The following PTGDR variants were observed in gnomAD, a reference collection of about 807,000 sequenced individuals.
PTGDR encodes PGD2 receptor.
Under a neutral mutation model 17.4 loss-of-function variants are expected in PTGDR, and 19 were observed. The ratio of observed to expected loss-of-function variants is 1.09; its 90% confidence interval spans 0.76 to 1.60. The LOEUF (loss-of-function observed/expected upper bound fraction) is 1.60. PTGDR is among the 40% of genes most tolerant of loss of function. The probability of loss-of-function intolerance (pLI) is 0.00; values close to 1 mark genes in which losing one functional copy is unlikely to be tolerated. For missense variants in PTGDR, 526 were observed against 481.9 expected (o/e 1.09, Z -0.86); for synonymous variants, 267 against 224.2 (o/e 1.19, Z -1.71).
At chr14:52,280,395 A>C (rs1015570898), downstream of PTGDR, among the ~76,000 whole-genome samples, 1 of 152,196 alleles carries the variant, frequency 6.6e-6, no homozygotes, top group African/African-American at 2.4e-5. Context: ...CCCCAAACTC[A>C]CTAAACCAAA....
intron 1 of PTGDR, 54 bp downstream of exon 1, chr14:52,268,714 G>A (rs2033267666): frequency 2.0e-6 from 3 of 1,506,232 alleles, no homozygotes; most frequent in Non-Finnish European, 2.7e-6. Context: ...GGCCGCGGAT[G>A]CGGGGCGGGA....
downstream of PTGDR, among the ~76,000 whole-genome samples, chr14:52,280,226 G>A (rs968485979): frequency 1.3e-5 from 2 of 152,078 alleles, no homozygotes; most frequent in Non-Finnish European, 2.9e-5. Context: ...ATAGAATATG[G>A]AAACAATAAC....
downstream of PTGDR, among the ~76,000 whole-genome samples, chr14:52,279,674 C>T (rs947496217): frequency 1.3e-5 from 2 of 152,050 alleles, no homozygotes; most frequent in Non-Finnish European, 2.9e-5. Context: ...GTGAGGTGAA[C>T]ATTCTAGTCT....
intron 1 of PTGDR, among the ~76,000 whole-genome samples, chr14:52,270,069 A>G (rs1370204809): frequency 6.6e-6 from 1 of 152,228 alleles, no homozygotes; most frequent in Non-Finnish European, 1.5e-5. Context: ...CTCACAGGCC[A>G]AATCTTTCCT....
chr14:52,271,126 A>G (rs41312468), intron 1 of PTGDR, among the ~76,000 whole-genome samples: 1 of 152,324 alleles, frequency 6.6e-6, no homozygotes, highest in African/African-American at 2.4e-5. Context: ...TAAAATGATT[A>G]TAACCATACT....
chr14:52,268,152 C>T lies in PTGDR; in HGVS notation c.338C>T (p.Ser113Phe), dbSNP rs1216947829. The change falls in exon 1 of 2, where the codon TCC becomes TTC. Residue 113 changes from serine to phenylalanine, a missense_variant. Transcript: ENST00000306051. Reference sequence around the variant, plus strand: ...TGCCAAGCCTTCGCCTTCTTCATGTCCTTCTTTGGGCTCTCCTCGACACTG... The same window carrying T: ...TGCCAAGCCTTCGCCTTCTTCATGTTCTTCTTTGGGCTCTCCTCGACACTG... ...SLCQAFAFFMSFFGLSSTLQL... is the reference protein window; with the variant it reads ...SLCQAFAFFMFFFGLSSTLQL... 1 of 1,614,064 alleles carries T rather than the reference C, an allele frequency of 6.2e-7. No homozygotes were observed. Among genetic ancestry groups the T allele is most frequent in the Non-Finnish European group, 8.5e-7 (1 of 1,180,056 alleles).
chr14:52,278,864 T>C (rs1014982088), downstream of PTGDR, among the ~76,000 whole-genome samples: 2 of 152,128 alleles, frequency 1.3e-5, no homozygotes, highest in African/African-American at 4.8e-5. Flanking sequence ...TTGTCAAAGA[T>C]TATATTTAAA....
At chr14:52,269,752 G>A (rs2033289555) in intron 1 of PTGDR, among the ~76,000 whole-genome samples, 1 of 151,992 alleles carries the variant, frequency 6.6e-6, no homozygotes, top group Admixed American at 6.6e-5. Flanking sequence ...AGAAGTCTGG[G>A]GCATCAGCAT....
chr14:52,269,459 T>G (rs565875248), intron 1 of PTGDR: 2 of 1,533,854 alleles, frequency 1.3e-6, no homozygotes, highest in South Asian at 2.4e-5. Context: ...AGGCATTTGT[T>G]CCTGGAGTCC....
rs1337817900 is a variant in PTGDR at position 52,268,182 on chromosome 14, T to C, written c.368T>C (p.Leu123Pro). Residue 123 changes from leucine to proline, a missense_variant, in exon 1 of 2, where the codon CTC (leucine) becomes CCC (proline). By Grantham distance (98) the Leu-to-Pro change is moderately conservative. Coordinates refer to ENST00000306051, the MANE Select transcript of PTGDR (RefSeq NM_000953.3). ...TTTGGGCTCTCCTCGACACTGCAAC[T>C]CCTGGCCATGGCACTGGAGTGCTGG... is the stretch of plus-strand genomic sequence containing the variant. The part of the protein sequence containing the change: ...SFFGLSSTLQ[L>P]LAMALECWLS... 3 of 1,614,142 alleles carry C rather than the reference T, an allele frequency of 1.9e-6. No homozygotes were observed. The highest frequency in any genetic ancestry group is 2.5e-6 in the Non-Finnish European group (3 of 1,180,028).
downstream of PTGDR, among the ~76,000 whole-genome samples, chr14:52,279,953 G>A (rs539658532): frequency 1.4e-4 from 22 of 151,882 alleles, 1 homozygote; most frequent in South Asian, 3.3e-3. Flanking sequence ...GTATATTTTA[G>A]GCAAAGCATA....
At chr14:52,278,907 ACTCT>A (rs67891382), downstream of PTGDR, among the ~76,000 whole-genome samples, 12,091 of 152,226 alleles carry the variant, frequency 0.079, 571 homozygotes, top group South Asian at 0.18. Context: ...ATATTTTCTA[ACTCT>A]CTATAGGATA....
chr14:52,270,275 C>T lies in PTGDR; in HGVS notation c.846+1615C>T, dbSNP rs558655943. The stretch of plus-strand genomic sequence containing the variant: ...CAAAAAAATTGTACTCAGCCGGGAG[C>T]GGTGACTCACGCCTGTAATCACAGC... On this transcript the variant is annotated intron_variant, in intron 1 of 1. Coordinates refer to ENST00000306051, the MANE Select transcript of PTGDR (RefSeq NM_000953.3). Among the ~76,000 whole-genome samples, 20 of 152,276 alleles carry T rather than the reference C, an allele frequency of 1.3e-4. No individual in the cohort carries two copies. The South Asian group carries it at 3.5e-3, about 27-fold the overall frequency.
chr14:52,276,009 T>C lies in PTGDR; in HGVS notation c.*1045T>C, dbSNP rs1482239072. On this transcript the variant is annotated 3_prime_UTR_variant, in exon 2 of 2. Coordinates refer to ENST00000306051, the MANE Select transcript of PTGDR (RefSeq NM_000953.3). ...GCTGTCCGTGGAGACGGTAAGATCT[T>C]AGGTTCCAAGATTTTACTTCAAATT... 3 of 152,586 alleles carry C rather than the reference T, an allele frequency of 2.0e-5. No homozygotes were observed. The East Asian group carries it at 5.8e-4, about 29-fold the overall frequency. The allele number at this position is 152,586 out of a possible 1,614,324, so 9.5% of individuals were successfully genotyped here.
chr14:52,280,459 C>G (rs2033474680), downstream of PTGDR, among the ~76,000 whole-genome samples: 1 of 152,160 alleles, frequency 6.6e-6, no homozygotes, highest in Non-Finnish European at 1.5e-5. Context: ...CATTTTGGTT[C>G]CTAAATAAGA....
chr14:52,272,255 C>A (rs914786140), intron 1 of PTGDR, among the ~76,000 whole-genome samples: 5 of 151,972 alleles, frequency 3.3e-5, no homozygotes, highest in Non-Finnish European at 7.4e-5. Flanking sequence ...ACTGTTTGAG[C>A]CCAGGTGTTT....
chr14:52,275,037 A>G lies in PTGDR; in HGVS notation c.*73A>G. 1 of 1,199,712 alleles carries G rather than the reference A, an allele frequency of 8.3e-7. No homozygotes were observed. Among genetic ancestry groups the G allele is most frequent in the East Asian group, 2.6e-5 (1 of 39,138 alleles). 74.3% of individuals were successfully genotyped at this position (1,199,712 alleles called of 1,614,324 possible). A position where few individuals can be genotyped will look rare whatever the true frequency, so the allele number is the denominator to read the frequency against. ...GTCAAAGAACCATGATTAAAAAAAA[A>G]AAGACAACTTACAATTTAAATCCTT... On this transcript the variant is annotated 3_prime_UTR_variant, in exon 2 of 2. Coordinates refer to ENST00000306051, the MANE Select transcript of PTGDR (RefSeq NM_000953.3).
chr14:52,280,824 T>C (rs1018517312), downstream of PTGDR, among the ~76,000 whole-genome samples: 9 of 152,350 alleles, frequency 5.9e-5, no homozygotes, highest in Admixed American at 2.0e-4. Flanking sequence ...CCTTTAGATA[T>C]TGAAACCCTC....
intron 1 of PTGDR, chr14:52,269,678 G>A: frequency 1.3e-6 from 1 of 750,332 alleles, no homozygotes; most frequent in East Asian, 2.8e-5. Flanking sequence ...TACTTTCAAT[G>A]GTGAATGAAA....
Sources: allele counts gnomAD v4.1 joint callset (sites outside exome capture counted in the v4.1 genomes callset), GRCh38; gene constraint gnomAD v4.1.1; transcripts MANE v1.5; gene names NCBI Gene and HGNC (gene_info 2026-07-23, HGNC 2026-07-21).